ASTN2: variants seen among roughly 807,000 people sequenced by gnomAD.
ASTN2 encodes the protein astrotactin-2.
In ASTN2, 54 loss-of-function variants were observed where a neutral mutation model predicts 139.8. The observed-to-expected ratio is 0.39, with a 90% CI of 0.31 to 0.48. ASTN2 has a LOEUF of 0.48. Among genes scored for constraint, ASTN2 ranks in the 20% least tolerant of loss-of-function variants. ASTN2 has a pLI of 0.95. For missense variants in ASTN2, 1,565 were observed against 1,725.1 expected (o/e 0.91, Z 1.64); for synonymous variants, 756 against 719.5 (o/e 1.05, Z -0.81).
intron 11 of ASTN2, among the ~76,000 whole-genome samples, chr9:116,836,357 G>A (rs755006612): frequency 6.9e-6 from 1 of 145,264 alleles, no homozygotes; most frequent in Non-Finnish European, 1.6e-5. Flanking sequence ...CACTGATGCT[G>A]AATAGGCCAG....
At chr9:117,044,258 G>A (rs1364663986) in intron 5 of ASTN2, among the ~76,000 whole-genome samples, 3 of 152,196 alleles carry the variant, frequency 2.0e-5, no homozygotes, top group South Asian at 2.1e-4. Flanking sequence ...AAAAAGTGTA[G>A]AGAAGGACAT....
In ASTN2 at chr9:117,039,843, C is replaced by T; in HGVS notation, c.1399G>A (p.Val467Met). The change falls in exon 6 of 23, where the codon GTG becomes ATG. Residue 467 changes from valine (V) to methionine (M), a missense_variant. Physicochemically the swap from Val to Met is conservative, Grantham distance 21. Coordinates refer to ENST00000313400, the MANE Select transcript of ASTN2 (RefSeq NM_001365068.1). Reference protein sequence around the residue: ...CPLTVKVTLHVPEHFIADGSS... With the variant: ...CPLTVKVTLHMPEHFIADGSS... ...CCATCTGCTATGAAGTGCTCGGGCACATGCAGAGTCACCTTCACAGTGAGT... is the reference window on the plus strand; with the variant it reads ...CCATCTGCTATGAAGTGCTCGGGCATATGCAGAGTCACCTTCACAGTGAGT... The T allele has an allele frequency of 6.2e-7, 1 of 1,613,708 alleles. No homozygotes were observed. Among genetic ancestry groups the T allele is most frequent in the Non-Finnish European group, 8.5e-7 (1 of 1,179,844 alleles).
intron 2 of ASTN2, among the ~76,000 whole-genome samples, chr9:117,266,082 T>A (rs1463001216): frequency 6.6e-6 from 1 of 152,240 alleles, no homozygotes; most frequent in African/African-American, 2.4e-5. Flanking sequence ...GCCAGACAGA[T>A]GCAGTTTATA....
At chr9:116,873,584 G>A (rs1174275758) in intron 10 of ASTN2, among the ~76,000 whole-genome samples, 1 of 152,200 alleles carries the variant, frequency 6.6e-6, no homozygotes, top group Non-Finnish European at 1.5e-5. Context: ...GCTTAACATA[G>A]ATTATCTCAT....
chr9:117,242,270 T>C (rs1012580491), intron 2 of ASTN2, among the ~76,000 whole-genome samples: 1 of 152,060 alleles, frequency 6.6e-6, no homozygotes, highest in African/African-American at 2.4e-5. Context: ...GGGCTGAAAA[T>C]TGGCAAGTTT....
At chr9:116,628,740 G>A (rs1199591895) in intron 17 of ASTN2, among the ~76,000 whole-genome samples, 4 of 152,168 alleles carry the variant, frequency 2.6e-5, no homozygotes, top group Non-Finnish European at 5.9e-5. Context: ...GGGTACTAAC[G>A]ATGTGTCAAT....
chr9:117,336,114 T>A (rs1828875827), intron 1 of ASTN2, among the ~76,000 whole-genome samples: 1 of 150,018 alleles, frequency 6.7e-6, no homozygotes, highest in African/African-American at 2.5e-5. Flanking sequence ...CCCATTCTGC[T>A]CTTTTCTAAG....
Position 116,863,740 on chromosome 9 carries a change from G to C in ASTN2, c.1890-7C>G, listed in dbSNP as rs756113054. On this transcript the variant is annotated splice_polypyrimidine_tract_variant and splice_region_variant and intron_variant, in intron 10 of 22. Transcript: ENST00000313400. ...GGACAGCATCGCTTCTTCCCTTGGA[G>C]AGAAAGGGGATGGTTAAACCCCAGA... The C allele has an allele frequency of 6.2e-7, 1 of 1,607,776 alleles. No homozygotes were observed. The highest frequency in any genetic ancestry group is 8.5e-7 in the Non-Finnish European group (1 of 1,175,682).
chr9:116,774,506 CT>C (rs776901022), intron 13 of ASTN2, among the ~76,000 whole-genome samples: 10 of 152,120 alleles, frequency 6.6e-5, no homozygotes, highest in Admixed American at 5.2e-4. Flanking sequence ...ATGCTAGGAG[CT>C]TTTTTTGCAT....
At chr9:116,744,566 T>TGA (rs1243842235) in intron 13 of ASTN2, among the ~76,000 whole-genome samples, 1 of 152,078 alleles carries the variant, frequency 6.6e-6, no homozygotes, top group East Asian at 1.9e-4. Context: ...GGCACAGATT[T>TGA]GAGAGAGAGT....
At chr9:116,922,394 T>C (rs1479907761) in intron 10 of ASTN2, among the ~76,000 whole-genome samples, 1 of 152,208 alleles carries the variant, frequency 6.6e-6, no homozygotes, top group Non-Finnish European at 1.5e-5. Flanking sequence ...TAATGACTCA[T>C]TTAAGCCTTG....
intron 10 of ASTN2, among the ~76,000 whole-genome samples, chr9:116,953,988 T>C (rs1430001529): frequency 6.6e-6 from 1 of 152,224 alleles, no homozygotes; most frequent in African/African-American, 2.4e-5. Context: ...TATGGACATG[T>C]AAGCTTGGGC....
intron 20 of ASTN2, among the ~76,000 whole-genome samples, chr9:116,443,990 AAATT>A (rs1193726781): frequency 6.6e-6 from 1 of 152,198 alleles, no homozygotes; most frequent in Non-Finnish European, 1.5e-5. Flanking sequence ...TTGGTGATAC[AAATT>A]AATTATTATG....
chr9:116,480,892 G>A (rs190789777), intron 20 of ASTN2, among the ~76,000 whole-genome samples: 74 of 152,298 alleles, frequency 4.9e-4, no homozygotes, highest in African/African-American at 1.8e-3. Context: ...TATGGTGTCA[G>A]CAGAGGCCAT....
intron 5 of ASTN2, among the ~76,000 whole-genome samples, chr9:117,083,922 AG>A (rs1828494710): frequency 6.6e-6 from 1 of 151,576 alleles, no homozygotes; most frequent in Non-Finnish European, 1.5e-5. Flanking sequence ...GGGCTGGAGG[AG>A]GGAGTTTTTA....
rs188343220 is a variant in ASTN2, at chr9:117,118,983, G to A, written c.1168+22343C>T. Among the ~76,000 whole-genome samples, 77 of 152,078 alleles carry A rather than the reference G, an allele frequency of 5.1e-4. 1 individual carries two copies. In the East Asian group the frequency reaches 7.9e-3, roughly 16 times the overall value. On this transcript the variant is annotated intron_variant, in intron 4 of 22. Coordinates refer to ENST00000313400, the MANE Select transcript of ASTN2 (RefSeq NM_001365068.1). ...CTTTCTGAGATGATGTCATATCTAC[G>A]TTTATTGCCTCTCTCTTACAGAAGA...
intron 5 of ASTN2, among the ~76,000 whole-genome samples, chr9:117,046,960 C>A (rs1476551630): frequency 6.6e-6 from 1 of 152,104 alleles, no homozygotes; most frequent in East Asian, 1.9e-4. Flanking sequence ...AGGTTTGGTT[C>A]CTGCCTGGTC....
In ASTN2 at chr9:117,066,227, T is replaced by C. The variant is rs1414102293; in HGVS notation, c.1277-26262A>G. On this transcript the variant is annotated intron_variant, in intron 5 of 22. Coordinates refer to ENST00000313400, the MANE Select transcript of ASTN2 (RefSeq NM_001365068.1). Reference sequence around the variant, plus strand: ...TATTCCCCTTCCTGTGTCCATGTGATCTCATTGTTCAATTCCCACCTATGA... The same window carrying C: ...TATTCCCCTTCCTGTGTCCATGTGACCTCATTGTTCAATTCCCACCTATGA... Among the ~76,000 whole-genome samples the C allele has an allele frequency of 2.7e-4, 36 of 131,410 alleles. 1 individual carries two copies. In the Middle Eastern group the frequency reaches 0.016, roughly 58 times the overall value. 86.2% of individuals were successfully genotyped at this position (131,410 alleles called of 152,430 possible).
At chr9:116,465,681 A>G (rs956751559) in intron 20 of ASTN2, among the ~76,000 whole-genome samples, 3 of 152,228 alleles carry the variant, frequency 2.0e-5, no homozygotes, top group African/African-American at 7.2e-5. Flanking sequence ...ATTTGCTTAC[A>G]TATGAAACTA....
Sources: gnomAD v4.1 joint callset for allele counts (sites outside exome capture counted in the v4.1 genomes callset) on GRCh38, gnomAD v4.1.1 for gene constraint, MANE v1.5 for transcripts, NCBI Gene and HGNC (gene_info 2026-07-23, HGNC 2026-07-21) for gene names.